The following IFNGR2 variants were observed in gnomAD, a reference collection of about 807,000 sequenced individuals.
IFNGR2 encodes interferon gamma receptor 2.
A neutral mutation model predicts 41.1 loss-of-function variants in IFNGR2; 15 were observed. That is an observed-to-expected ratio of 0.37 (90% CI 0.24 to 0.56). IFNGR2 has a LOEUF of 0.56. Among genes scored for constraint, IFNGR2 ranks in the 20% least tolerant of loss-of-function variants. The pLI, the probability that IFNGR2 is intolerant of heterozygous loss-of-function variation, is 0.81. For synonymous variants in IFNGR2, 161 were observed against 171.6 expected, an observed-to-expected ratio of 0.94 and a Z score of 0.48; for missense variants, 362 against 415.7, an observed-to-expected ratio of 0.87 and a Z score of 1.12.
At position 33,432,183 on chromosome 21, in the gene IFNGR2, G is replaced by A; in HGVS notation, c.568G>A (p.Gly190Ser). The A allele has an allele frequency of 1.2e-6, 2 of 1,614,056 alleles. No individual in the cohort carries two copies. The highest frequency in any genetic ancestry group is 1.7e-6 in the Non-Finnish European group (2 of 1,179,908). The part of the protein sequence containing the change: ...WEKGGIQQVK[G>S]PFRSNSISLD... Reference sequence around the variant, plus strand: ...TGTGATGTTTTTAAAACAGGTCAAAGGCCCTTTCAGAAGCAACTCCATTTC... The same window carrying A: ...TGTGATGTTTTTAAAACAGGTCAAAAGCCCTTTCAGAAGCAACTCCATTTC... The change falls in exon 5 of 7, where the codon GGC (glycine) becomes AGC (serine). Residue 190 changes from glycine (G) to serine (S), a missense_variant. Physicochemically the swap from Gly to Ser is moderately conservative, Grantham distance 56. Transcript: ENST00000290219.
chr21:33,426,295 C>A (rs1194452296), intron 3 of IFNGR2, among the ~76,000 whole-genome samples: 1 of 151,914 alleles, frequency 6.6e-6, no homozygotes, highest in Non-Finnish European at 1.5e-5. Context: ...TGCCTGTAAT[C>A]CCAGCTACAT....
intron 1 of IFNGR2, chr21:33,410,813 C>G: frequency 6.7e-7 from 1 of 1,488,226 alleles, no homozygotes; most frequent in African/African-American, 1.4e-5. Flanking sequence ...ATTCATAACT[C>G]ATAATCTAAA....
intron 1 of IFNGR2, among the ~76,000 whole-genome samples, chr21:33,403,922 G>A (rs925829445): frequency 2.0e-5 from 3 of 152,034 alleles, no homozygotes; most frequent in Non-Finnish European, 4.4e-5. Context: ...AAGACGGGGG[G>A]CACCCCTCCT....
chr21:33,406,679 T>C (rs966842468), intron 1 of IFNGR2, among the ~76,000 whole-genome samples: 3 of 148,000 alleles, frequency 2.0e-5, no homozygotes, highest in Admixed American at 1.4e-4. Context: ...ATAGTATCTC[T>C]CTCCATCGCC....
At position 33,437,389 on chromosome 21, in the gene IFNGR2, G is replaced by A. The variant is rs2083967484; in HGVS notation, c.*427G>A. The A allele has an allele frequency of 1.1e-5, 2 of 180,166 alleles. No individual in the cohort carries two copies. The highest frequency in any genetic ancestry group is 2.4e-5 in the Non-Finnish European group (2 of 84,520). 11.2% of individuals were successfully genotyped at this position (180,166 alleles called of 1,614,324 possible). A position where few individuals can be genotyped will look rare whatever the true frequency, so the allele number is the denominator to read the frequency against. Reference sequence around the variant, plus strand: ...AACCTGTCCCAGCGAGGGACACCGAGTGGCCCTTCATGTACATCCATGGTG... The same window carrying A: ...AACCTGTCCCAGCGAGGGACACCGAATGGCCCTTCATGTACATCCATGGTG... On this transcript the variant is annotated 3_prime_UTR_variant, in exon 7 of 7. Coordinates refer to ENST00000290219, the MANE Select transcript of IFNGR2 (RefSeq NM_005534.4).
intron 6 of IFNGR2, among the ~76,000 whole-genome samples, chr21:33,433,866 G>A (rs775361275): frequency 5.9e-5 from 9 of 151,948 alleles, no homozygotes; most frequent in East Asian, 1.9e-4. Context: ...ACCCCTCTCC[G>A]AGGCAGCAGG....
At chr21:33,422,801 G>A (rs373915494) in intron 3 of IFNGR2, among the ~76,000 whole-genome samples, 16 of 149,482 alleles carry the variant, frequency 1.1e-4, no homozygotes, top group South Asian at 6.4e-4. Flanking sequence ...CGCTTGAACC[G>A]GGGAGGCAGA....
rs2083656799 is a variant in IFNGR2 at position 33,403,615 on chromosome 21, A to T, written c.72A>T (p.Pro24=). The T allele has an allele frequency of 7.6e-7, 1 of 1,316,286 alleles. No individual in the cohort carries two copies. The allele number at this position is 1,316,286 out of a possible 1,614,324, so 81.5% of individuals were successfully genotyped here. The change falls in exon 1 of 7, where the codon CCA becomes CCT. Residue 24 remains proline (P), a splice_region_variant and synonymous_variant. Transcript: ENST00000290219. The part of the protein sequence containing the change: ...GVFAAAAAAP[P]DPLSQLPAPQ... ...TCGCCGCCGCCGCCGCGGCCCCGCCAGGTGAGCCGGGCCTGGGCCTCCGCG... is the reference window on the plus strand; with the variant it reads ...TCGCCGCCGCCGCCGCGGCCCCGCCTGGTGAGCCGGGCCTGGGCCTCCGCG...
chr21:33,427,513 G>A (rs758987748), intron 4 of IFNGR2, among the ~76,000 whole-genome samples: 4 of 152,174 alleles, frequency 2.6e-5, no homozygotes, highest in Non-Finnish European at 5.9e-5. Flanking sequence ...ATGAGAAGGC[G>A]TGGCATACGT....
At chr21:33,431,362 G>A (rs1018084464) in intron 4 of IFNGR2, among the ~76,000 whole-genome samples, 2 of 152,098 alleles carry the variant, frequency 1.3e-5, no homozygotes, top group African/African-American at 4.8e-5. Context: ...CTGAGATCAG[G>A]AGCTCGAGAC....
intron 4 of IFNGR2, among the ~76,000 whole-genome samples, chr21:33,427,636 G>A (rs1391431734): frequency 6.6e-6 from 1 of 152,134 alleles, no homozygotes; most frequent in Admixed American, 6.6e-5. Context: ...GCCTCGGGGA[G>A]TATAGGAAAA....
chr21:33,429,451 T>C (rs936429891), intron 4 of IFNGR2, among the ~76,000 whole-genome samples: 2 of 152,192 alleles, frequency 1.3e-5, no homozygotes, highest in African/African-American at 2.4e-5. Flanking sequence ...CCTCCACATC[T>C]GTGCCTGGCC....
intron 1 of IFNGR2, among the ~76,000 whole-genome samples, chr21:33,407,995 G>A (rs2083690284): frequency 6.6e-6 from 1 of 151,952 alleles, no homozygotes; most frequent in Non-Finnish European, 1.5e-5. Flanking sequence ...TTTCTCATCT[G>A]CAAGGTGATG....
intron 2 of IFNGR2, among the ~76,000 whole-genome samples, chr21:33,419,078 C>T (rs2083772789): frequency 1.3e-5 from 2 of 152,080 alleles, no homozygotes; most frequent in East Asian, 1.9e-4. Context: ...AATCACTATT[C>T]TCATTTTATT....
rs4986958 is a variant in IFNGR2 at position 33,414,987 on chromosome 21, C to T, written c.173C>T (p.Thr58Met). 27 of 1,613,976 alleles carry T rather than the reference C, an allele frequency of 1.7e-5. No individual in the cohort carries two copies. The highest frequency in any genetic ancestry group is 9.9e-5 in the South Asian group (9 of 91,086). Residue 58 changes from threonine to methionine, a missense_variant, in exon 2 of 7, where the codon ACG (threonine) becomes ATG (methionine). Transcript: ENST00000290219. Reference sequence around the variant, plus strand: ...GAGCCAGTGGCCCTGAGCAATAGCACGAGGCCTGTTGTCTACCAAGTGCAG... The same window carrying T: ...GAGCCAGTGGCCCTGAGCAATAGCATGAGGCCTGTTGTCTACCAAGTGCAG... ...SWEPVALSNS[T>M]RPVVYQVQFK...
intron 6 of IFNGR2, among the ~76,000 whole-genome samples, chr21:33,433,986 G>C (rs1030803753): frequency 6.6e-6 from 1 of 152,108 alleles, no homozygotes; most frequent in Non-Finnish European, 1.5e-5. Flanking sequence ...AGGGTGCTTA[G>C]GAGGGCCCTA....
chr21:33,433,371 G>A (rs2123372161), intron 6 of IFNGR2, among the ~76,000 whole-genome samples: 1 of 152,332 alleles, frequency 6.6e-6, no homozygotes, highest in South Asian at 2.1e-4. Flanking sequence ...CGGTGTCGTT[G>A]AAGGATTAAT....
At chr21:33,410,461 A>T (rs1196166173) in intron 1 of IFNGR2, among the ~76,000 whole-genome samples, 1 of 149,286 alleles carries the variant, frequency 6.7e-6, no homozygotes, top group Non-Finnish European at 1.5e-5. Context: ...CACTGCGGCC[A>T]GCCTACAACA....
intron 2 of IFNGR2, among the ~76,000 whole-genome samples, chr21:33,417,804 T>C (rs1374531748): frequency 6.6e-6 from 1 of 152,058 alleles, no homozygotes; most frequent in African/African-American, 2.4e-5. Context: ...GACTTAGGCT[T>C]GATGCTGATT....
Sources: allele counts gnomAD v4.1 joint callset (sites outside exome capture counted in the v4.1 genomes callset), GRCh38; gene constraint gnomAD v4.1.1; transcripts MANE v1.5; gene names NCBI Gene and HGNC (gene_info 2026-07-23, HGNC 2026-07-21).